PRSS55: variants seen among roughly 807,000 people sequenced by gnomAD.
PRSS55 encodes the protein probable serine protease UNQ9391/PRO34284.
In PRSS55, 41 loss-of-function variants were observed where a neutral mutation model predicts 23.6. The observed-to-expected ratio is 1.74, with a 90% CI of 1.35 to 2.26. The LOEUF (loss-of-function observed/expected upper bound fraction) is 2.26, where lower values mean the gene tolerates loss of function less well. Among genes scored for constraint, PRSS55 ranks in the 30% most tolerant of loss-of-function variants. The pLI is 0.00. For missense variants in PRSS55, 669 were observed against 439.1 expected, an observed-to-expected ratio of 1.52 and a Z score of -4.68; for synonymous variants, 262 against 175.5, an observed-to-expected ratio of 1.49 and a Z score of -3.90.
At position 10,538,795 on chromosome 8, in the gene PRSS55, A is replaced by G. The variant is rs1391132202; in HGVS notation, c.*2A>G. On this transcript the variant is annotated 3_prime_UTR_variant, in exon 5 of 5. Transcript: ENST00000328655. ...TTGTTCAGAGCTATTTTGTACTGATAATAAAATAGAGGCTATTCTTTCAAC... is the reference window on the plus strand; with the variant it reads ...TTGTTCAGAGCTATTTTGTACTGATGATAAAATAGAGGCTATTCTTTCAAC... 1.3e-6 allele frequency: 2 copies of G among 1,545,634 alleles called. No individual in the cohort carries two copies. Among genetic ancestry groups the G allele is most frequent in the Non-Finnish European group, 1.7e-6 (2 of 1,149,212 alleles).
chr8:10,543,511 G>T (rs1386455890), downstream of PRSS55, among the ~76,000 whole-genome samples: 6 of 123,922 alleles, frequency 4.8e-5, no homozygotes, highest in African/African-American at 1.5e-4. Context: ...TCTTCACTCT[G>T]TCGCCCAGGC....
At chr8:10,545,025 G>C in intron 4 of PRSS55, 3 of 985,084 alleles carry the variant, frequency 3.0e-6, no homozygotes, top group Non-Finnish European at 3.6e-6. Context: ...AACAGGACAT[G>C]GTGGCCTGCA....
chr8:10,526,409 C>T (rs968995906), intron 1 of PRSS55, among the ~76,000 whole-genome samples: 1 of 152,218 alleles, frequency 6.6e-6, no homozygotes, highest in Non-Finnish European at 1.5e-5. Context: ...AGGCTGCATG[C>T]CCTGTGCACA....
rs764961582 is a variant in PRSS55, at chr8:10,538,674, T to C, written c.940T>C (p.Ser314Pro). The C allele has an allele frequency of 1.2e-6, 2 of 1,614,088 alleles. No homozygotes were observed. Among genetic ancestry groups the C allele is most frequent in the South Asian group, 2.2e-5 (2 of 91,074 alleles). Reference sequence around the variant, plus strand: ...CTTCAATGCAGAGAAAAGGAGGACTTCTGTCAAACAGAAACCTATGGGCTC... The same window carrying C: ...CTTCAATGCAGAGAAAAGGAGGACTCCTGTCAAACAGAAACCTATGGGCTC... ...RPFNAEKRRTSVKQKPMGSPV... is the reference protein window; with the variant it reads ...RPFNAEKRRTPVKQKPMGSPV... Residue 314 changes from serine to proline, a missense_variant, in exon 5 of 5, where the codon TCT becomes CCT. By Grantham distance (74) the Ser-to-Pro change is moderately conservative (BLOSUM62 -1). Coordinates refer to ENST00000328655, the MANE Select transcript of PRSS55 (RefSeq NM_198464.4).
At chr8:10,551,752 C>T (rs1812956755) in intron 4 of PRSS55, among the ~76,000 whole-genome samples, 1 of 152,230 alleles carries the variant, frequency 6.6e-6, no homozygotes, top group Non-Finnish European at 1.5e-5. Context: ...CCCACCCCAT[C>T]CTTTTAGTGG....
intron 4 of PRSS55, among the ~76,000 whole-genome samples, chr8:10,553,679 G>C (rs1812999820): frequency 6.6e-6 from 1 of 152,190 alleles, no homozygotes; most frequent in Non-Finnish European, 1.5e-5. Flanking sequence ...ATTTCAGTTA[G>C]ACAGGAGAAA....
chr8:10,533,276 T>A (rs1248444022), intron 4 of PRSS55, among the ~76,000 whole-genome samples: 1 of 152,226 alleles, frequency 6.6e-6, no homozygotes, highest in Non-Finnish European at 1.5e-5. Flanking sequence ...ATTTCTGATC[T>A]TCTTCAGGTA....
chr8:10,537,038 A>G (rs976605568), intron 4 of PRSS55, among the ~76,000 whole-genome samples: 1 of 152,238 alleles, frequency 6.6e-6, no homozygotes, highest in Admixed American at 6.5e-5. Flanking sequence ...GTTGAAAAAG[A>G]AAATAAGAAA....
At chr8:10,536,523 G>C (rs11250025) in intron 4 of PRSS55, among the ~76,000 whole-genome samples, 109,315 of 151,964 alleles carry the variant, frequency 0.72, 39,420 homozygotes, top group African/African-American at 0.78. Flanking sequence ...GGTACAGACC[G>C]AAAGGAATAT....
In PRSS55 at chr8:10,546,374, A is replaced by C. The variant is rs4240654; in HGVS notation, c.742-7569A>C. On this transcript the variant is annotated intron_variant, in intron 4 of 4. Coordinates refer to the PRSS55 transcript ENST00000522210. ...GTTGCCACAGACCCCTATAACCCTC[A>C]GCGCTAGCCAGTTCCCTATCTCACC... Among the ~76,000 whole-genome samples, 3 of 152,104 alleles carry C rather than the reference A, an allele frequency of 2.0e-5. No individual in the cohort carries two copies. The South Asian group carries it at 6.2e-4, about 32-fold the overall frequency.
At chr8:10,549,148 A>C (rs12541597) in intron 4 of PRSS55, among the ~76,000 whole-genome samples, 1 of 152,036 alleles carries the variant, frequency 6.6e-6, no homozygotes, top group African/African-American at 2.4e-5. Flanking sequence ...ATGTAAACGG[A>C]TAGTCACCTC....
intron 4 of PRSS55, among the ~76,000 whole-genome samples, chr8:10,552,008 G>A (rs11250029): frequency 0.19 from 29,287 of 152,178 alleles, 3,062 homozygotes; most frequent in East Asian, 0.34. Flanking sequence ...GGAGATGCAC[G>A]GCAGAACGTG....
downstream of PRSS55, among the ~76,000 whole-genome samples, chr8:10,543,423 T>TCTTC (rs71203335): frequency 0.15 from 10,677 of 71,484 alleles, 1,017 homozygotes; most frequent in Non-Finnish European, 0.2. Flanking sequence ...CTTCTTTCTT[T>TCTTC]CTTCCTTCCT....
chr8:10,534,340 A>G (rs1812381364), intron 4 of PRSS55, among the ~76,000 whole-genome samples: 1 of 152,206 alleles, frequency 6.6e-6, no homozygotes, highest in Non-Finnish European at 1.5e-5. Context: ...AGAACGCACT[A>G]CACACATCTT....
At chr8:10,527,241 CTTACT>C (rs1425642267) in intron 1 of PRSS55, among the ~76,000 whole-genome samples, 1 of 152,228 alleles carries the variant, frequency 6.6e-6, no homozygotes, top group Non-Finnish European at 1.5e-5. Context: ...ATGGATGTGG[CTTACT>C]TTAGTCACCC....
At chr8:10,533,149 C>T in intron 4 of PRSS55, 101 bp downstream of exon 4, 1 of 1,299,494 alleles carries the variant, frequency 7.7e-7, no homozygotes, top group Non-Finnish European at 1.1e-6. Context: ...AATTCTGAGT[C>T]TGGAAAATGT....
intron 4 of PRSS55, among the ~76,000 whole-genome samples, chr8:10,551,651 T>C (rs540909425): frequency 2.6e-5 from 4 of 152,214 alleles, no homozygotes; most frequent in Non-Finnish European, 5.9e-5. Flanking sequence ...GATGTGCCAA[T>C]GACAGCGGCT....
intron 4 of PRSS55, among the ~76,000 whole-genome samples, chr8:10,548,253 GA>G (rs1300696505): frequency 1.3e-5 from 2 of 152,178 alleles, no homozygotes; most frequent in Admixed American, 1.3e-4. Context: ...CAAGGTGGCA[GA>G]GTGACTCCAG....
intron 1 of PRSS55, among the ~76,000 whole-genome samples, chr8:10,527,458 G>A (rs954669833): frequency 1.3e-5 from 2 of 152,262 alleles, no homozygotes; most frequent in African/African-American, 4.8e-5. Context: ...TAATGTAGGA[G>A]TTGATGTAAC....
Sources: allele counts gnomAD v4.1 joint callset (sites outside exome capture counted in the v4.1 genomes callset), GRCh38; gene constraint gnomAD v4.1.1; transcripts MANE v1.5; gene names NCBI Gene and HGNC (gene_info 2026-07-23, HGNC 2026-07-21).